Variants in PDE4D observed in about 807,000 individuals in gnomAD.
PDE4D encodes 3',5'-cyclic-AMP phosphodiesterase 4D.
In PDE4D, 24 loss-of-function variants were observed where a neutral mutation model predicts 87.4. The observed-to-expected ratio is 0.27, with a 90% CI of 0.20 to 0.39. The LOEUF is 0.39. Among genes scored for constraint, PDE4D ranks in the 10% least tolerant of loss-of-function variants. PDE4D has a pLI of 1.00. For missense variants in PDE4D, 714 were observed against 1,041.0 expected (o/e 0.69, Z 4.32); for synonymous variants, 384 against 383.2 (o/e 1.00, Z -0.02).
intron 1 of PDE4D, among the ~76,000 whole-genome samples, chr5:59,219,766 C>T (rs796880447): frequency 3.3e-5 from 5 of 152,198 alleles, no homozygotes; most frequent in African/African-American, 1.2e-4. Context: ...TATAGGCAAT[C>T]AGACTATGTG....
intron 1 of PDE4D, among the ~76,000 whole-genome samples, chr5:60,227,379 GA>G (rs1394667225): frequency 6.6e-6 from 1 of 152,028 alleles, no homozygotes; most frequent in Non-Finnish European, 1.5e-5. Flanking sequence ...ACGATTCCCA[GA>G]ATGTAAGTTC....
chr5:59,053,479 A>C (rs1290792194), intron 5 of PDE4D, among the ~76,000 whole-genome samples: 1 of 151,930 alleles, frequency 6.6e-6, no homozygotes, highest in East Asian at 1.9e-4. Flanking sequence ...ATTAAGACAA[A>C]AATATGTGTA....
At chr5:60,214,008 A>G (rs1484291434) in intron 1 of PDE4D, among the ~76,000 whole-genome samples, 1 of 152,246 alleles carries the variant, frequency 6.6e-6, no homozygotes, top group Non-Finnish European at 1.5e-5. Context: ...AGCCTATCAT[A>G]GTACATGATA....
chr5:59,552,523 T>C (rs947602241), intron 1 of PDE4D, among the ~76,000 whole-genome samples: 2 of 152,192 alleles, frequency 1.3e-5, no homozygotes, highest in African/African-American at 4.8e-5. Flanking sequence ...TTATTGCTTA[T>C]AACTAAGCTG....
intron 3 of PDE4D, among the ~76,000 whole-genome samples, chr5:59,956,331 G>T (rs945194967): frequency 6.6e-5 from 10 of 152,238 alleles, no homozygotes; most frequent in African/African-American, 2.2e-4. Flanking sequence ...AGACTCTCTG[G>T]CTGCCCCTAC....
chr5:60,471,761 C>A (rs559471405), intron 1 of PDE4D, among the ~76,000 whole-genome samples: 62 of 152,112 alleles, frequency 4.1e-4, no homozygotes, highest in Non-Finnish European at 2.8e-4. Context: ...GCTATTTGCA[C>A]ACTTAATCAA....
At chr5:59,775,456 C>T (rs1404947933) in intron 1 of PDE4D, among the ~76,000 whole-genome samples, 2 of 152,104 alleles carry the variant, frequency 1.3e-5, no homozygotes, top group African/African-American at 4.8e-5. Context: ...ATCATTCTAA[C>T]AAGGTGGTTA....
At chr5:60,388,266 C>A (rs1232100671) in intron 1 of PDE4D, among the ~76,000 whole-genome samples, 1 of 152,044 alleles carries the variant, frequency 6.6e-6, no homozygotes, top group African/African-American at 2.4e-5. Context: ...ATGATCTAAA[C>A]CCATCAATGC....
chr5:59,744,586 G>A (rs1373013019), intron 1 of PDE4D, among the ~76,000 whole-genome samples: 2 of 152,102 alleles, frequency 1.3e-5, no homozygotes, highest in African/African-American at 4.8e-5. Flanking sequence ...TCTTCTGAGA[G>A]GAAGCTATCT....
intron 5 of PDE4D, among the ~76,000 whole-genome samples, chr5:59,073,989 T>G (rs1765287993): frequency 6.6e-6 from 1 of 152,210 alleles, no homozygotes; most frequent in South Asian, 2.1e-4. Flanking sequence ...TGATGCATGT[T>G]TGTACTACTA....
At chr5:59,820,517 C>T (rs371390972) in intron 1 of PDE4D, among the ~76,000 whole-genome samples, 10 of 152,324 alleles carry the variant, frequency 6.6e-5, no homozygotes, top group African/African-American at 2.4e-4. Context: ...ATCTGGGTTT[C>T]TAAGTAAAAA....
At chr5:60,215,252 G>A (rs148277047) in intron 1 of PDE4D, among the ~76,000 whole-genome samples, 5 of 152,112 alleles carry the variant, frequency 3.3e-5, no homozygotes, top group African/African-American at 1.2e-4. Context: ...ACAAGAACAC[G>A]TAAATAAAAG....
At chr5:60,310,931 G>A (rs938344690) in intron 1 of PDE4D, among the ~76,000 whole-genome samples, 35 of 151,942 alleles carry the variant, frequency 2.3e-4, no homozygotes, top group African/African-American at 4.3e-4. Flanking sequence ...AGCATACCTC[G>A]TAACATTCCC....
intron 1 of PDE4D, among the ~76,000 whole-genome samples, chr5:60,385,290 G>C (rs1762123740): frequency 6.6e-6 from 1 of 152,240 alleles, no homozygotes; most frequent in African/African-American, 2.4e-5. Flanking sequence ...GACAACTGCT[G>C]TGATCAGGTG....
chr5:60,416,975 C>T lies in PDE4D; in HGVS notation c.-90+70967G>A, dbSNP rs989131465. Among the ~76,000 whole-genome samples the T allele has an allele frequency of 9.9e-5, 15 of 152,174 alleles. 1 individual carries two copies. The highest frequency in any genetic ancestry group is 6.5e-4 in the Admixed American group (10 of 15,276). ...TGCTACCATGACTAATCACACTGTGCGATTCCATCTACAAATGGCCTACAT... is the reference window on the plus strand; with the variant it reads ...TGCTACCATGACTAATCACACTGTGTGATTCCATCTACAAATGGCCTACAT... On this transcript the variant is annotated intron_variant, in intron 1 of 16. Transcript: ENST00000502484.
intron 2 of PDE4D, among the ~76,000 whole-genome samples, chr5:60,055,373 C>T (rs1405479058): frequency 6.6e-6 from 1 of 151,996 alleles, no homozygotes; most frequent in Non-Finnish European, 1.5e-5. Flanking sequence ...GGTGTGCACA[C>T]ATCTCTGTGG....
intron 6 of PDE4D, among the ~76,000 whole-genome samples, chr5:58,997,721 CAT>C (rs530922437): frequency 4.2e-3 from 633 of 152,164 alleles, no homozygotes; most frequent in Non-Finnish European, 6.8e-3. Flanking sequence ...CCTTTGTTCT[CAT>C]TATACATCAG....
intron 1 of PDE4D, among the ~76,000 whole-genome samples, chr5:59,236,290 C>T (rs186340645): frequency 1.9e-4 from 29 of 152,244 alleles, no homozygotes; most frequent in Non-Finnish European, 3.5e-4. Context: ...GTTCTGACCC[C>T]GCTACTACCT....
rs183703476 is a variant in PDE4D, at chr5:59,525,628, G to A, written c.456-309660C>T. Among the ~76,000 whole-genome samples, 36 of 152,282 alleles carry A rather than the reference G, an allele frequency of 2.4e-4. No individual in the cohort carries two copies. In the South Asian group the frequency reaches 4.1e-3, roughly 18 times the overall value. On this transcript the variant is annotated intron_variant, in intron 1 of 14. Transcript: ENST00000340635. ...AAAGATGAGATTTTGGAGGGCAAAA[G>A]GTGGAATGATATGGTCTGGCTCTGT...
Sources: gnomAD v4.1 joint callset for allele counts (sites outside exome capture counted in the v4.1 genomes callset) on GRCh38, gnomAD v4.1.1 for gene constraint, MANE v1.5 for transcripts, NCBI Gene and HGNC (gene_info 2026-07-23, HGNC 2026-07-21) for gene names.